CSMD3: variants seen among roughly 807,000 people sequenced by gnomAD.
CSMD3 encodes CUB and Sushi multiple domains 3.
CSMD3 carries 177 observed loss-of-function variants against 435.2 expected under a neutral mutation model. The ratio of observed to expected loss-of-function variants is 0.41; its 90% CI spans 0.36 to 0.46. CSMD3 has a LOEUF of 0.46. Among genes scored for constraint, CSMD3 ranks in the 20% least tolerant of loss-of-function variants. CSMD3 has a pLI of 0.34. For missense variants in CSMD3, 4,265 were observed against 4,504.6 expected (o/e 0.95, Z 1.52); for synonymous variants, 1,656 against 1,520.5 (o/e 1.09, Z -2.07).
chr8:112,432,631 C>A (rs1023862189), intron 32 of CSMD3, among the ~76,000 whole-genome samples: 10 of 152,160 alleles, frequency 6.6e-5, no homozygotes, highest in African/African-American at 2.2e-4. Flanking sequence ...TGTATTAGAT[C>A]AGGACATGCA....
intron 10 of CSMD3, among the ~76,000 whole-genome samples, chr8:112,912,429 T>C (rs1045693040): frequency 2.6e-5 from 4 of 151,874 alleles, no homozygotes; most frequent in African/African-American, 7.3e-5. Flanking sequence ...ACTTAACTCT[T>C]ATATTTTTGA....
intron 32 of CSMD3, among the ~76,000 whole-genome samples, chr8:112,464,564 T>C (rs1817770423): frequency 6.6e-6 from 1 of 151,822 alleles, no homozygotes; most frequent in Non-Finnish European, 1.5e-5. Context: ...AAAGCAGAAA[T>C]GAAAACAACA....
chr8:113,247,207 CTTAT>C (rs1283212477), intron 3 of CSMD3, among the ~76,000 whole-genome samples: 1 of 152,180 alleles, frequency 6.6e-6, no homozygotes, highest in Non-Finnish European at 1.5e-5. Flanking sequence ...ACAACTAACA[CTTAT>C]TTATTTATTG....
intron 42 of CSMD3, 42 bp downstream of exon 42, chr8:112,341,435 T>C (rs761708607): frequency 8.3e-7 from 1 of 1,204,670 alleles, no homozygotes; most frequent in Non-Finnish European, 1.2e-6. Context: ...TAATAGCTGA[T>C]TTGGGGTTAT....
chr8:113,016,188 T>G (rs1368683921), intron 6 of CSMD3, among the ~76,000 whole-genome samples: 1 of 151,828 alleles, frequency 6.6e-6, no homozygotes, highest in African/African-American at 2.4e-5. Flanking sequence ...GTGGGCATAT[T>G]CAATACAGGA....
intron 3 of CSMD3, among the ~76,000 whole-genome samples, chr8:113,233,637 G>A (rs181434211): frequency 3.2e-4 from 48 of 151,348 alleles, no homozygotes; most frequent in Non-Finnish European, 7.4e-5. Flanking sequence ...AGTCAGATAG[G>A]ACAAAGAAAA....
At chr8:112,328,706 C>T (rs931753381) in intron 45 of CSMD3, among the ~76,000 whole-genome samples, 1 of 151,970 alleles carries the variant, frequency 6.6e-6, no homozygotes, top group African/African-American at 2.4e-5. Flanking sequence ...GGGGTGGTTT[C>T]CCCGATACTG....
At chr8:112,691,455 A>AT (rs1563858277) in intron 13 of CSMD3, among the ~76,000 whole-genome samples, 2 of 151,308 alleles carry the variant, frequency 1.3e-5, no homozygotes, top group East Asian at 2.0e-4. Flanking sequence ...TCTGAGTACC[A>AT]TTTTTTTTCT....
intron 59 of CSMD3, among the ~76,000 whole-genome samples, chr8:112,276,804 G>A (rs1579262): frequency 0.43 from 65,441 of 151,930 alleles, 14,815 homozygotes; most frequent in Middle Eastern, 0.53. Flanking sequence ...TGACTTCTGT[G>A]CACCTGCAGC....
At chr8:113,010,534 T>C (rs1273921141) in intron 6 of CSMD3, among the ~76,000 whole-genome samples, 2 of 151,800 alleles carry the variant, frequency 1.3e-5, no homozygotes, top group African/African-American at 2.4e-5. Context: ...ATTGTCCATA[T>C]TATAACTAGT....
chr8:113,270,023 G>T (rs1373852138), intron 3 of CSMD3, among the ~76,000 whole-genome samples: 1 of 151,510 alleles, frequency 6.6e-6, no homozygotes, highest in African/African-American at 2.4e-5. Flanking sequence ...AGAGTGAACA[G>T]GCAACCTACA....
At chr8:112,864,728 T>G (rs1298744461) in intron 10 of CSMD3, among the ~76,000 whole-genome samples, 1 of 152,142 alleles carries the variant, frequency 6.6e-6, no homozygotes, top group Non-Finnish European at 1.5e-5. Context: ...ATAAAACTTG[T>G]AGAAACGGAA....
chr8:112,876,045 T>C (rs1650246804), intron 10 of CSMD3, among the ~76,000 whole-genome samples: 2 of 152,162 alleles, frequency 1.3e-5, no homozygotes, highest in South Asian at 4.1e-4. Flanking sequence ...TCCTTATCTT[T>C]GTGGATTTAT....
chr8:113,115,651 A>C (rs746249822), intron 4 of CSMD3, among the ~76,000 whole-genome samples: 3 of 152,262 alleles, frequency 2.0e-5, no homozygotes, highest in Admixed American at 6.5e-5. Flanking sequence ...TCACTGTTTG[A>C]CAGTGGTACG....
At chr8:113,358,156 C>T (rs2094245611) in intron 1 of CSMD3, among the ~76,000 whole-genome samples, 1 of 152,042 alleles carries the variant, frequency 6.6e-6, no homozygotes, top group Admixed American at 6.6e-5. Flanking sequence ...ATATTATATG[C>T]AAATAGCACA....
intron 4 of CSMD3, among the ~76,000 whole-genome samples, chr8:113,140,356 A>G (rs2091518551): frequency 6.6e-6 from 1 of 150,748 alleles, no homozygotes; most frequent in Admixed American, 6.7e-5. Context: ...GAGCAACTAG[A>G]TGGAAAATCA....
intron 13 of CSMD3, among the ~76,000 whole-genome samples, chr8:112,779,714 C>A (rs2078335883): frequency 6.6e-6 from 1 of 151,784 alleles, no homozygotes; most frequent in Admixed American, 6.6e-5. Context: ...TCAGATCAGC[C>A]CTATTCTAAA....
intron 3 of CSMD3, among the ~76,000 whole-genome samples, chr8:113,267,386 TACAC>T: frequency 6.6e-6 from 1 of 151,562 alleles, no homozygotes; most frequent in East Asian, 1.9e-4. Flanking sequence ...ATAAAGAAAA[TACAC>T]ACAATGGAAT....
chr8:112,916,037 A>G (rs2082561880), intron 10 of CSMD3, among the ~76,000 whole-genome samples: 1 of 151,844 alleles, frequency 6.6e-6, no homozygotes, highest in Admixed American at 6.6e-5. Context: ...CTTACAAATA[A>G]GTAAACTGAT....
Sources: allele counts gnomAD v4.1 joint callset (sites outside exome capture counted in the v4.1 genomes callset), GRCh38; gene constraint gnomAD v4.1.1; transcripts MANE v1.5; gene names NCBI Gene and HGNC (gene_info 2026-07-23, HGNC 2026-07-21).